MGAT5: variants seen among roughly 807,000 people sequenced by gnomAD.
The protein encoded by MGAT5 is alpha-1,6-mannosylglycoprotein 6-beta-N-acetylglucosaminyltransferase.
A neutral mutation model predicts 94.3 loss-of-function variants in MGAT5; 30 were observed. The ratio of observed to expected loss-of-function variants is 0.32; its 90% CI spans 0.24 to 0.43. The LOEUF (loss-of-function observed/expected upper bound fraction) is 0.43. MGAT5 is among the 20% of genes least tolerant of loss of function. The pLI is 1.00. For synonymous variants in MGAT5, 310 were observed against 322.9 expected, an observed-to-expected ratio of 0.96 and a Z score of 0.43; for missense variants, 691 against 905.5, an observed-to-expected ratio of 0.76 and a Z score of 3.04.
At chr2:134,366,490 G>C (rs892233604) in intron 10 of MGAT5, among the ~76,000 whole-genome samples, 1 of 152,114 alleles carries the variant, frequency 6.6e-6, no homozygotes, top group African/African-American at 2.4e-5. Flanking sequence ...GCCTTTCTTT[G>C]ACCACGTCAG....
At chr2:134,149,158 A>G (rs1179341067) in intron 1 of MGAT5, among the ~76,000 whole-genome samples, 2 of 152,154 alleles carry the variant, frequency 1.3e-5, no homozygotes, top group Non-Finnish European at 2.9e-5. Context: ...CTTTTAAGAA[A>G]TAGTGCAATG....
chr2:134,139,389 C>T (rs554542260), intron 1 of MGAT5, among the ~76,000 whole-genome samples: 9 of 152,004 alleles, frequency 5.9e-5, no homozygotes, highest in African/African-American at 2.2e-4. Context: ...GCACTCTGGC[C>T]GTGGCTGCTA....
At chr2:134,153,781 A>G (rs1687342980) in intron 1 of MGAT5, among the ~76,000 whole-genome samples, 1 of 152,068 alleles carries the variant, frequency 6.6e-6, no homozygotes, top group Non-Finnish European at 1.5e-5. Flanking sequence ...CAGACGACTG[A>G]CTATACTTCT....
intron 2 of MGAT5, among the ~76,000 whole-genome samples, chr2:134,272,103 T>A (rs570972626): frequency 2.6e-5 from 4 of 152,380 alleles, no homozygotes; most frequent in Non-Finnish European, 5.9e-5. Context: ...CTGTCCTGTT[T>A]GTTGCAAGGC....
At chr2:134,151,808 AGCCT>A (rs1558958776) in intron 1 of MGAT5, among the ~76,000 whole-genome samples, 2 of 139,300 alleles carry the variant, frequency 1.4e-5, no homozygotes, top group African/African-American at 5.6e-5. Context: ...GCCCTATGGG[AGCCT>A]CCCACTGCCA....
chr2:134,159,405 A>C lies in MGAT5; in HGVS notation c.-143+39114A>C, dbSNP rs1425291909. Among the ~76,000 whole-genome samples the C allele has an allele frequency of 2.0e-5, 3 of 152,222 alleles. No individual in the cohort carries two copies. The East Asian group carries it at 5.8e-4, about 29-fold the overall frequency. On this transcript the variant is annotated intron_variant, in intron 1 of 16. Transcript: ENST00000409645. Reference sequence around the variant, plus strand: ...TGAACGGTGACAAGATTGCTCAGACAGAAGGTTTCTAGTGCTTTATACCAG... The same window carrying C: ...TGAACGGTGACAAGATTGCTCAGACCGAAGGTTTCTAGTGCTTTATACCAG...
chr2:134,409,170 C>T (rs1261881238), intron 11 of MGAT5, among the ~76,000 whole-genome samples: 1 of 152,166 alleles, frequency 6.6e-6, no homozygotes, highest in Non-Finnish European at 1.5e-5. Context: ...TGGATTTGAA[C>T]TTGAGTGACT....
Position 134,449,138 on chromosome 2 carries a change from G to A in MGAT5, c.*291G>A. 1 of 429,990 alleles carries A rather than the reference G, an allele frequency of 2.3e-6. No individual in the cohort carries two copies. The allele number at this position is 429,990 out of a possible 1,614,324, so 26.6% of individuals were successfully genotyped here. A position where few individuals can be genotyped will look rare whatever the true frequency, so the allele number is the denominator to read the frequency against. ...GAAGACTGTCACTGCAGCTGCTCCA[G>A]GGCAAAAGAAAGTCTCAAGAGTCCT... On this transcript the variant is annotated 3_prime_UTR_variant, in exon 16 of 16. Transcript: ENST00000281923.
chr2:134,436,723 C>T (rs1272357586), intron 14 of MGAT5, among the ~76,000 whole-genome samples: 3 of 152,164 alleles, frequency 2.0e-5, no homozygotes, highest in Admixed American at 1.3e-4. Context: ...GCAGCTCTTC[C>T]AAGAAGGGCT....
intron 1 of MGAT5, among the ~76,000 whole-genome samples, chr2:134,162,660 A>T (rs1687789285): frequency 6.6e-6 from 1 of 152,314 alleles, no homozygotes; most frequent in East Asian, 1.9e-4. Context: ...TGTCCTCCCA[A>T]CCATGTTATT....
chr2:134,135,639 C>T (rs963836726), intron 1 of MGAT5, among the ~76,000 whole-genome samples: 2 of 145,352 alleles, frequency 1.4e-5, no homozygotes, highest in Non-Finnish European at 3.0e-5. Flanking sequence ...TTGCAGTGAG[C>T]CGAGATCGCG....
At chr2:134,391,434 T>G (rs1446655603) in intron 10 of MGAT5, among the ~76,000 whole-genome samples, 1 of 152,158 alleles carries the variant, frequency 6.6e-6, no homozygotes, top group African/African-American at 2.4e-5. Flanking sequence ...TAGCAGAAAT[T>G]TATTTCTCAC....
intron 2 of MGAT5, among the ~76,000 whole-genome samples, chr2:134,308,122 G>T (rs1686439094): frequency 6.6e-6 from 1 of 152,102 alleles, no homozygotes; most frequent in South Asian, 2.1e-4. Context: ...CGAGTAATCG[G>T]TGTACATAAG....
intron 11 of MGAT5, among the ~76,000 whole-genome samples, chr2:134,409,858 A>G (rs983570505): frequency 2.0e-5 from 3 of 152,208 alleles, no homozygotes; most frequent in Non-Finnish European, 4.4e-5. Flanking sequence ...AAGAAAACGT[A>G]TGGTGCCTCA....
chr2:134,132,529 A>AT (rs1686225674), intron 1 of MGAT5, among the ~76,000 whole-genome samples: 1 of 152,254 alleles, frequency 6.6e-6, no homozygotes, highest in African/African-American at 2.4e-5. Flanking sequence ...CTGGCTGCCT[A>AT]TTTTGTAAAT....
chr2:134,200,574 C>G (rs1406426408), intron 1 of MGAT5, among the ~76,000 whole-genome samples: 1 of 152,152 alleles, frequency 6.6e-6, no homozygotes, highest in Admixed American at 6.5e-5. Flanking sequence ...TATATAACCT[C>G]TATTAGCATT....
chr2:134,414,485 T>A (rs1683857500), intron 12 of MGAT5, among the ~76,000 whole-genome samples: 1 of 152,196 alleles, frequency 6.6e-6, no homozygotes, highest in Non-Finnish European at 1.5e-5. Flanking sequence ...TCCCTCGGGT[T>A]TTTTGTTTAT....
At chr2:134,260,400 T>C (rs1683248360) in intron 1 of MGAT5, among the ~76,000 whole-genome samples, 1 of 152,184 alleles carries the variant, frequency 6.6e-6, no homozygotes, top group South Asian at 2.1e-4. Context: ...CCTCATTGGC[T>C]TGGGATGCTA....
At chr2:134,181,516 G>C (rs1308973183) in intron 1 of MGAT5, among the ~76,000 whole-genome samples, 1 of 152,258 alleles carries the variant, frequency 6.6e-6, no homozygotes, top group East Asian at 1.9e-4. Flanking sequence ...TGTCTGTAGA[G>C]ACTGAAAACA....
Sources: gnomAD v4.1 joint callset for allele counts (sites outside exome capture counted in the v4.1 genomes callset) on GRCh38, gnomAD v4.1.1 for gene constraint, MANE v1.5 for transcripts, NCBI Gene and HGNC (gene_info 2026-07-23, HGNC 2026-07-21) for gene names.